TFEB: variants seen among roughly 807,000 people sequenced by gnomAD.
TFEB encodes the protein T-cell transcription factor EB.
In TFEB, 12 loss-of-function variants were observed where a neutral mutation model predicts 48.0. That is an observed-to-expected ratio of 0.25 (90% CI 0.16 to 0.40). The LOEUF (loss-of-function observed/expected upper bound fraction) is 0.40. Among genes scored for constraint, TFEB ranks in the 10% least tolerant of loss-of-function variants. TFEB has a pLI of 1.00. For synonymous variants in TFEB, 244 were observed against 261.4 expected (o/e 0.93, Z 0.64); for missense variants, 509 against 640.3 (o/e 0.79, Z 2.21).
At chr6:41,708,229 G>A (rs544139074) in intron 1 of TFEB, among the ~76,000 whole-genome samples, 4 of 152,374 alleles carry the variant, frequency 2.6e-5, no homozygotes, top group East Asian at 3.9e-4. Flanking sequence ...CACAGTGAGC[G>A]TGGAACTGGC....
chr6:41,722,222 C>T (rs547311157), intron 1 of TFEB, among the ~76,000 whole-genome samples: 4 of 152,198 alleles, frequency 2.6e-5, no homozygotes, highest in East Asian at 1.9e-4. Flanking sequence ...TCAGGGGACC[C>T]GCCCACCTCG....
At chr6:41,731,071 G>T (rs1771430662) in intron 1 of TFEB, among the ~76,000 whole-genome samples, 1 of 152,152 alleles carries the variant, frequency 6.6e-6, no homozygotes, top group African/African-American at 2.4e-5. Flanking sequence ...CCTCACTTAA[G>T]AATGAGAAAT....
At chr6:41,701,163 A>C (rs747868685) in intron 1 of TFEB, among the ~76,000 whole-genome samples, 4 of 152,192 alleles carry the variant, frequency 2.6e-5, no homozygotes, top group African/African-American at 7.2e-5. Context: ...ACACATGTCC[A>C]TGTGCACACA....
At chr6:41,728,325 C>A (rs537883960) in intron 1 of TFEB, among the ~76,000 whole-genome samples, 5 of 152,276 alleles carry the variant, frequency 3.3e-5, no homozygotes, top group African/African-American at 9.6e-5. Context: ...GCTGCTGAAT[C>A]CCTGGGCCTC....
chr6:41,728,810 C>T (rs1281625044), intron 1 of TFEB, among the ~76,000 whole-genome samples: 3 of 152,076 alleles, frequency 2.0e-5, no homozygotes, highest in African/African-American at 2.4e-5. Flanking sequence ...GAGGGCTCAG[C>T]GCCTTGTGGA....
chr6:41,690,589 C>T (rs1769249465), intron 3 of TFEB, 74 bp downstream of exon 3: 3 of 1,436,212 alleles, frequency 2.1e-6, no homozygotes, highest in East Asian at 4.9e-5. Flanking sequence ...TGCCATTAGA[C>T]TGGGAGTCTC....
intron 1 of TFEB, among the ~76,000 whole-genome samples, chr6:41,715,576 A>G (rs1033755097): frequency 6.6e-6 from 1 of 152,036 alleles, no homozygotes; most frequent in African/African-American, 2.4e-5. Flanking sequence ...AGACTGAGGC[A>G]GGAGAATCGC....
At position 41,723,517 on chromosome 6, in the gene TFEB, G is replaced by T. The variant is rs1252770466; in HGVS notation, c.-23+11833C>A. 2 of 1,288,276 alleles carry T rather than the reference G, an allele frequency of 1.6e-6. No individual in the cohort carries two copies. The highest frequency in any genetic ancestry group is 3.0e-5 in the African/African-American group (2 of 65,728). The allele number at this position is 1,288,276 out of a possible 1,614,324, so 79.8% of individuals were successfully genotyped here. Reference sequence around the variant, plus strand: ...CCTGGAATGCTCAGCTCCTCCAGGGGCCGGAGCCCAGGGCCGCACCCCAGC... The same window carrying T: ...CCTGGAATGCTCAGCTCCTCCAGGGTCCGGAGCCCAGGGCCGCACCCCAGC... On this transcript the variant is annotated intron_variant, in intron 1 of 8. Transcript: ENST00000373033. This position sits in a 1 kb window ranked among gnomAD's most constrained non-coding sequence, Gnocchi z 6.0.
intron 1 of TFEB, among the ~76,000 whole-genome samples, chr6:41,696,152 A>G (rs1769570188): frequency 2.0e-5 from 3 of 152,244 alleles, no homozygotes; most frequent in African/African-American, 2.4e-5. Flanking sequence ...AACTATTGTC[A>G]GCTGACGCCA....
intron 1 of TFEB, among the ~76,000 whole-genome samples, chr6:41,721,597 C>T (rs1770985638): frequency 6.6e-6 from 1 of 152,224 alleles, no homozygotes; most frequent in African/African-American, 2.4e-5. Flanking sequence ...TGCAGCCCAA[C>T]TATCTGCCTG....
At chr6:41,712,500 C>T (rs1770526358) in intron 1 of TFEB, among the ~76,000 whole-genome samples, 1 of 152,174 alleles carries the variant, frequency 6.6e-6, no homozygotes, top group African/African-American at 2.4e-5. Context: ...GCCTCAGTTT[C>T]CTCCTCGGAG....
At chr6:41,717,351 C>T (rs1198057264) in intron 1 of TFEB, among the ~76,000 whole-genome samples, 5 of 152,182 alleles carry the variant, frequency 3.3e-5, no homozygotes, top group African/African-American at 1.2e-4. Context: ...TTCCCATGTC[C>T]TCACTGCCCC....
chr6:41,714,172 T>C (rs1456042477), intron 1 of TFEB, among the ~76,000 whole-genome samples: 3 of 142,176 alleles, frequency 2.1e-5, no homozygotes, highest in African/African-American at 8.5e-5. Context: ...TGTGCATGTG[T>C]GCGTGTGTGT....
chr6:41,699,943 T>A (rs1769807414), intron 1 of TFEB, among the ~76,000 whole-genome samples: 1 of 152,198 alleles, frequency 6.6e-6, no homozygotes, highest in Non-Finnish European at 1.5e-5. Flanking sequence ...GTGTGTGGCC[T>A]TGTATAATCA....
At chr6:41,701,486 T>C (rs1769921644) in intron 1 of TFEB, among the ~76,000 whole-genome samples, 1 of 152,234 alleles carries the variant, frequency 6.6e-6, no homozygotes, top group Non-Finnish European at 1.5e-5. Flanking sequence ...CCTCAAGGGC[T>C]GCTGGTCCAG....
rs549186529 is a variant in TFEB, at chr6:41,729,731, G to A, written c.-23+5619C>T. Among the ~76,000 whole-genome samples the A allele has an allele frequency of 9.8e-5, 15 of 152,364 alleles. No individual in the cohort carries two copies. In the South Asian group the frequency reaches 3.1e-3, roughly 32 times the overall value. On this transcript the variant is annotated intron_variant, in intron 1 of 8. Transcript: ENST00000373033. ...AGTGGATAGTTTCAGGGGAGGTGGG[G>A]ACAGGTGGAGAAATGGGAAGGACTG... is the stretch of plus-strand genomic sequence containing the variant.
At chr6:41,688,736 C>G (rs568196607) in intron 4 of TFEB, among the ~76,000 whole-genome samples, 1 of 152,186 alleles carries the variant, frequency 6.6e-6, no homozygotes, top group African/African-American at 2.4e-5. Flanking sequence ...CCTCAGCCCT[C>G]GCTGCCCCTG....
chr6:41,728,787 CAG>C (rs1277482229), intron 1 of TFEB, among the ~76,000 whole-genome samples: 5 of 152,116 alleles, frequency 3.3e-5, no homozygotes, highest in Non-Finnish European at 7.4e-5. Flanking sequence ...GGGAGGGAGA[CAG>C]GGCAGAGGCA....
At chr6:41,697,337 G>C (rs1234133020) in intron 1 of TFEB, among the ~76,000 whole-genome samples, 1 of 140,570 alleles carries the variant, frequency 7.1e-6, no homozygotes, top group Non-Finnish European at 1.5e-5. Context: ...GAACCCGGGA[G>C]GCAGAGGTTG....
Sources: allele counts gnomAD v4.1 joint callset (sites outside exome capture counted in the v4.1 genomes callset), GRCh38; gene constraint gnomAD v4.1.1; non-coding constraint Gnocchi (gnomAD v3.1); transcripts MANE v1.5; gene names NCBI Gene and HGNC (gene_info 2026-07-23, HGNC 2026-07-21).